Variants in CAP1 observed in about 807,000 individuals in gnomAD.
CAP1 encodes the protein cyclase associated actin cytoskeleton regulatory protein 1.
A neutral mutation model predicts 58.2 loss-of-function variants in CAP1; 11 were observed. The observed-to-expected ratio is 0.19, with a 90% CI of 0.12 to 0.31. CAP1 has a LOEUF of 0.31. Ranked by LOEUF, CAP1 falls within the 10% of genes least tolerant of loss-of-function variation. CAP1 has a pLI of 1.00. For missense variants in CAP1, 423 were observed against 587.5 expected (o/e 0.72, Z 2.89); for synonymous variants, 183 against 213.8 (o/e 0.86, Z 1.26).
intron 1 of CAP1, among the ~76,000 whole-genome samples, chr1:40,055,494 A>G (rs966628398): frequency 6.6e-6 from 1 of 152,130 alleles, no homozygotes; most frequent in African/African-American, 2.4e-5. Context: ...TCATTGCAGT[A>G]ATCTTGGTGA....
At chr1:40,059,217 T>C in intron 1 of CAP1, 120 bp from the exon 2 acceptor site, 1 of 587,104 alleles carries the variant, frequency 1.7e-6, no homozygotes. Context: ...TAAATTATTC[T>C]GTTCCTGAGA....
chr1:40,042,184 A>G (rs1357709037), intron 1 of CAP1, among the ~76,000 whole-genome samples: 2 of 152,132 alleles, frequency 1.3e-5, no homozygotes, highest in Non-Finnish European at 2.9e-5. Flanking sequence ...GCCCCACCAG[A>G]CGTTTATTAA....
chr1:40,042,984 G>GA (rs1256856578), intron 1 of CAP1, among the ~76,000 whole-genome samples: 4 of 152,028 alleles, frequency 2.6e-5, no homozygotes, highest in Non-Finnish European at 5.9e-5. Flanking sequence ...AGTGACATGG[G>GA]AAAAAATGCA....
intron 1 of CAP1, among the ~76,000 whole-genome samples, chr1:40,058,001 A>G (rs1324217933): frequency 1.3e-5 from 2 of 152,200 alleles, no homozygotes; most frequent in Non-Finnish European, 2.9e-5. Flanking sequence ...TGTGAGGTTT[A>G]TAACTTCATA....
rs970677497 is a variant in CAP1 at position 40,071,885 on chromosome 1, T to A, written c.*352T>A. On this transcript the variant is annotated 3_prime_UTR_variant, in exon 13 of 13. Transcript: ENST00000372805. ...TTGGAAAGAAAACAGTCCCTGGAAT[T>A]AACAGATCAGAATGTTCACACTGGT... 1 of 438,688 alleles carries A rather than the reference T, an allele frequency of 2.3e-6. No individual in the cohort carries two copies. 27.2% of individuals were successfully genotyped at this position (438,688 alleles called of 1,614,324 possible).
rs541033583 is a variant in CAP1 at position 40,071,075 on chromosome 1, A to T, written c.1344+96A>T. On this transcript the variant is annotated intron_variant, in intron 12 of 12. Coordinates refer to ENST00000372805, the MANE Select transcript of CAP1 (RefSeq NM_006367.4). ...GCTATTTTATGAACATTCTGCACTG[A>T]GCAGGTAAAAACCCAATAATGCACA... is the stretch of plus-strand genomic sequence containing the variant. 16 of 1,214,806 alleles carry T rather than the reference A, an allele frequency of 1.3e-5. No homozygotes were observed. In the South Asian group the frequency reaches 2.0e-4, roughly 15 times the overall value. 75.3% of individuals were successfully genotyped at this position (1,214,806 alleles called of 1,614,324 possible). A position where few individuals can be genotyped will look rare whatever the true frequency, so the allele number is the denominator to read the frequency against.
chr1:40,042,833 A>G (rs756217503), intron 1 of CAP1, among the ~76,000 whole-genome samples: 97 of 152,268 alleles, frequency 6.4e-4, no homozygotes, highest in Non-Finnish European at 1.2e-3. Context: ...TGTGAGCAAT[A>G]TTAAGAAGAT....
intron 1 of CAP1, among the ~76,000 whole-genome samples, chr1:40,047,295 C>A (rs1175677818): frequency 6.6e-6 from 1 of 152,154 alleles, no homozygotes; most frequent in Non-Finnish European, 1.5e-5. Flanking sequence ...TATATGTTAA[C>A]CTGATAAAAA....
intron 1 of CAP1, among the ~76,000 whole-genome samples, chr1:40,044,011 T>C (rs1382124178): frequency 6.6e-6 from 1 of 152,240 alleles, no homozygotes; most frequent in African/African-American, 2.4e-5. Flanking sequence ...TACAGCCTGA[T>C]GTGCAAACCA....
At position 40,066,210 on chromosome 1, in the gene CAP1, C is replaced by T; in HGVS notation, c.525-5C>T. 6.5e-7 allele frequency: 1 copy of T among 1,532,694 alleles called. No individual in the cohort carries two copies. Among genetic ancestry groups the T allele is most frequent in the South Asian group, 1.1e-5 (1 of 89,270 alleles). The allele number at this position is 1,532,694 out of a possible 1,614,324, so 94.9% of individuals were successfully genotyped here. A position where few individuals can be genotyped will look rare whatever the true frequency, so the allele number is the denominator to read the frequency against. On this transcript the variant is annotated splice_region_variant and splice_polypyrimidine_tract_variant and intron_variant, in intron 6 of 12. Transcript: ENST00000372805. The stretch of plus-strand genomic sequence containing the variant: ...CTGTGACAAGTTCTTCTTTAATCCT[C>T]CCAGGGATAAGAAGCATGTAGACTG...
intron 1 of CAP1, among the ~76,000 whole-genome samples, chr1:40,053,789 T>A (rs1051010837): frequency 5.9e-5 from 9 of 152,204 alleles, no homozygotes; most frequent in Non-Finnish European, 1.0e-4. Context: ...GTTCAGTTTC[T>A]TCATTCTAAA....
chr1:40,058,595 C>G (rs1043946296), intron 1 of CAP1, among the ~76,000 whole-genome samples: 5 of 152,004 alleles, frequency 3.3e-5, no homozygotes, highest in Non-Finnish European at 7.3e-5. Context: ...GGCATGGTGG[C>G]GCACACCTAT....
chr1:40,071,361 G>A (rs1647986933), intron 12 of CAP1, 89 bp from the exon 13 acceptor site: 1 of 909,490 alleles, frequency 1.1e-6, no homozygotes, highest in East Asian at 2.5e-5. Context: ...GGGGTTAAGT[G>A]GAAGCAAGCA....
chr1:40,060,309 GC>G, intron 3 of CAP1, 139 bp downstream of exon 3: 1 of 608,148 alleles, frequency 1.6e-6, no homozygotes, highest in South Asian at 2.1e-5. Flanking sequence ...TTTCTCTTTT[GC>G]CTGTACTGAG....
Position 40,061,430 on chromosome 1 carries a change from G to A in CAP1, c.217-305G>A, listed in dbSNP as rs530290326. 8.5e-4 allele frequency among the ~76,000 whole-genome samples: 130 copies of A among 152,330 alleles called. 1 individual carries two copies. Among genetic ancestry groups the A allele is most frequent in the South Asian group, 4.4e-3 (21 of 4,816 alleles). ...GTTTTATTTTGCTGATGTGAAATAG[G>A]AAGGATTTTTCAGTGCACGGTATCA... is the stretch of plus-strand genomic sequence containing the variant. On this transcript the variant is annotated intron_variant, in intron 3 of 12. Coordinates refer to ENST00000372805, the MANE Select transcript of CAP1 (RefSeq NM_006367.4).
chr1:40,046,458 G>A (rs987529561), intron 1 of CAP1, among the ~76,000 whole-genome samples: 3 of 130,358 alleles, frequency 2.3e-5, no homozygotes, highest in East Asian at 2.2e-4. Flanking sequence ...GCAAGACTCC[G>A]TCTCAAAAAA....
chr1:40,064,874 T>A (rs1358545121), intron 6 of CAP1, among the ~76,000 whole-genome samples: 1 of 152,226 alleles, frequency 6.6e-6, no homozygotes, highest in African/African-American at 2.4e-5. Context: ...GTTCAGCTTT[T>A]TCTCAAGGGG....
intron 1 of CAP1, among the ~76,000 whole-genome samples, chr1:40,058,444 G>A (rs1646705450): frequency 6.6e-6 from 1 of 152,150 alleles, no homozygotes; most frequent in Non-Finnish European, 1.5e-5. Context: ...ACTGAGGGCA[G>A]GCCGGGCACA....
intron 1 of CAP1, among the ~76,000 whole-genome samples, chr1:40,044,825 CTCTA>C (rs1166975837): frequency 8.9e-6 from 1 of 112,176 alleles, no homozygotes; most frequent in Non-Finnish European, 1.7e-5. Flanking sequence ...GAGACAGAGT[CTCTA>C]TCTGTCACCC....
Sources: allele counts gnomAD v4.1 joint callset (sites outside exome capture counted in the v4.1 genomes callset), GRCh38; gene constraint gnomAD v4.1.1; transcripts MANE v1.5; gene names NCBI Gene and HGNC (gene_info 2026-07-23, HGNC 2026-07-21).